GPRC5C: variants seen among roughly 807,000 people sequenced by gnomAD.
GPRC5C encodes G protein-coupled receptor family C group 5 member C.
In GPRC5C, 22 loss-of-function variants were observed where a neutral mutation model predicts 31.4. That is an observed-to-expected ratio of 0.70 (90% CI 0.50 to 1.00). GPRC5C has a LOEUF of 1.00. GPRC5C is among the 50% of genes least tolerant of loss of function. The pLI, the probability that GPRC5C is intolerant of heterozygous loss-of-function variation, is 0.00. For missense variants in GPRC5C, 557 were observed against 597.2 expected (o/e 0.93, Z 0.70); for synonymous variants, 249 against 257.5 (o/e 0.97, Z 0.32).
intron 2 of GPRC5C, among the ~76,000 whole-genome samples, chr17:74,441,844 A>G (rs1285901814): frequency 1.3e-5 from 2 of 152,032 alleles, no homozygotes; most frequent in African/African-American, 4.8e-5. Flanking sequence ...CCGGCCCATG[A>G]AAAGCACTCT....
Position 74,447,362 on chromosome 17 carries a change from C to T in GPRC5C, c.*334C>T. On this transcript the variant is annotated 3_prime_UTR_variant, in exon 4 of 4. Transcript: ENST00000392627. ...GCAACCTCAAGAGACTTCCCAGGCG[C>T]TCAGGCCTGGATCTTGCTCCTCTGT... 2 of 1,071,520 alleles carry T rather than the reference C, an allele frequency of 1.9e-6. No individual in the cohort carries two copies. The highest frequency in any genetic ancestry group is 2.3e-6 in the Non-Finnish European group (2 of 883,378). The allele number at this position is 1,071,520 out of a possible 1,614,324, so 66.4% of individuals were successfully genotyped here.
chr17:74,436,498 G>A (rs956149979), intron 1 of GPRC5C, among the ~76,000 whole-genome samples: 2 of 152,096 alleles, frequency 1.3e-5, no homozygotes, highest in Non-Finnish European at 2.9e-5. Flanking sequence ...ATTCCGTTGT[G>A]TGGCCCTTAA....
At chr17:74,432,903 C>A (rs771786048) in intron 1 of GPRC5C, among the ~76,000 whole-genome samples, 18 of 151,908 alleles carry the variant, frequency 1.2e-4, no homozygotes, top group Non-Finnish European at 2.2e-4. Context: ...GTGACTGGTT[C>A]CCTTGCTCCC....
At chr17:74,438,657 C>CCTCT (rs1218212728) in intron 1 of GPRC5C, among the ~76,000 whole-genome samples, 3 of 152,150 alleles carry the variant, frequency 2.0e-5, no homozygotes, top group African/African-American at 7.2e-5. Flanking sequence ...CCTTGACCTC[C>CCTCT]CAAAGTGCTG....
chr17:74,448,995 CTT>C, downstream of GPRC5C: 1 of 927,788 alleles, frequency 1.1e-6, no homozygotes, highest in South Asian at 1.4e-5. Flanking sequence ...TGGCTCAAGA[CTT>C]TGCCAGGGGG....
downstream of GPRC5C, chr17:74,449,748 G>A (rs76840885): frequency 0.026 from 5,158 of 195,858 alleles, 119 homozygotes; most frequent in Non-Finnish European, 0.039. Context: ...TCAGTGCCCC[G>A]TCTTGACTCT....
chr17:74,432,481 GCC>G, intron 1 of GPRC5C: 1 of 1,048,326 alleles, frequency 9.5e-7, no homozygotes, highest in Non-Finnish European at 1.1e-6. Flanking sequence ...GCTGGAGTTG[GCC>G]CCAAACGCTG....
intron 1 of GPRC5C, among the ~76,000 whole-genome samples, chr17:74,434,969 C>T (rs1205119589): frequency 6.6e-6 from 1 of 151,984 alleles, no homozygotes; most frequent in Non-Finnish European, 1.5e-5. Context: ...CCTGTAATCC[C>T]AGCACTTTGG....
chr17:74,451,140 C>A (rs1047397081), downstream of GPRC5C: 1 of 152,214 alleles, frequency 6.6e-6, no homozygotes, highest in Non-Finnish European at 1.5e-5. Context: ...CTCTGTGGAC[C>A]TCACGCTGCC....
In GPRC5C at chr17:74,440,302, A is replaced by G; in HGVS notation, c.526A>G (p.Ile176Val). The change falls in exon 2 of 4, where the codon ATC becomes GTC. Residue 176 changes from isoleucine to valine, a missense_variant. Transcript: ENST00000392627. This position sits in a 1 kb window ranked among gnomAD's most constrained non-coding sequence, Gnocchi z 4.4. ...VEVIINTEWL[I>V]ITLVRGSGEG... Reference sequence around the variant, plus strand: ...GGTCATCATCAATACAGAGTGGCTGATCATCACCCTGGTTCGGGGCAGTGG... The same window carrying G: ...GGTCATCATCAATACAGAGTGGCTGGTCATCACCCTGGTTCGGGGCAGTGG... The G allele has an allele frequency of 6.2e-7, 1 of 1,614,096 alleles. No individual in the cohort carries two copies. The highest frequency in any genetic ancestry group is 8.5e-7 in the Non-Finnish European group (1 of 1,180,004).
intron 2 of GPRC5C, chr17:74,443,486 T>C (rs1302184771): frequency 6.4e-6 from 3 of 466,652 alleles, no homozygotes; most frequent in South Asian, 1.7e-5. Flanking sequence ...TCTTGGCCTC[T>C]GGCCCCGGAG....
chr17:74,451,234 C>A (rs2055710342), downstream of GPRC5C: 1 of 152,168 alleles, frequency 6.6e-6, no homozygotes, highest in Non-Finnish European at 1.5e-5. Context: ...CAAAGGAGTC[C>A]CCGGCAGGGC....
chr17:74,444,847 G>A (rs375270484), intron 3 of GPRC5C, among the ~76,000 whole-genome samples: 4 of 152,206 alleles, frequency 2.6e-5, no homozygotes, highest in African/African-American at 9.7e-5. Flanking sequence ...CGCGTTTGGA[G>A]TCTGCTTCCT....
At chr17:74,441,788 C>T (rs953152643) in intron 2 of GPRC5C, among the ~76,000 whole-genome samples, 17 of 151,572 alleles carry the variant, frequency 1.1e-4, no homozygotes, top group African/African-American at 3.6e-4. Flanking sequence ...TGCACCACCA[C>T]ATTCCAGCCT....
intron 1 of GPRC5C, among the ~76,000 whole-genome samples, chr17:74,438,244 TATATATA>T: frequency 4.2e-5 from 5 of 118,630 alleles, no homozygotes; most frequent in Admixed American, 1.6e-4. Flanking sequence ...TATATATATA[TATATATA>T]TTTGTTGTTG....
At chr17:74,432,956 G>A (rs2055377201) in intron 1 of GPRC5C, among the ~76,000 whole-genome samples, 2 of 151,896 alleles carry the variant, frequency 1.3e-5, no homozygotes, top group African/African-American at 2.4e-5. Context: ...CCCCAGTACC[G>A]TCGACCCAAG....
chr17:74,445,275 A>C (rs1490443427), intron 3 of GPRC5C: 3 of 152,468 alleles, frequency 2.0e-5, no homozygotes, highest in African/African-American at 7.2e-5. Flanking sequence ...AAGAAAAAAA[A>C]AAAAAAGTGC....
At position 74,440,335 on chromosome 17, in the gene GPRC5C, G is replaced by A. The variant is rs140282971; in HGVS notation, c.559G>A (p.Gly187Ser). 1.2e-5 allele frequency: 20 copies of A among 1,614,136 alleles called. No homozygotes were observed. The highest frequency in any genetic ancestry group is 4.5e-5 in the East Asian group (2 of 44,870). Residue 187 changes from glycine to serine, a missense_variant, in exon 2 of 4, where the codon GGC (glycine) becomes AGC (serine). Transcript: ENST00000392627. This position sits in a 1 kb window ranked among gnomAD's most constrained non-coding sequence, Gnocchi z 4.4. ...CCTGGTTCGGGGCAGTGGCGAGGGC[G>A]GCCCTCAGGGCAACAGCAGCGCAGG... ...ITLVRGSGEG[G>S]PQGNSSAGWA...
In GPRC5C at chr17:74,447,325, C is replaced by T; in HGVS notation, c.*297C>T. The T allele has an allele frequency of 9.7e-6, 11 of 1,134,064 alleles. No homozygotes were observed. Among genetic ancestry groups the T allele is most frequent in the Non-Finnish European group, 1.2e-5 (11 of 922,986 alleles). The allele number at this position is 1,134,064 out of a possible 1,614,324, so 70.3% of individuals were successfully genotyped here. ...GTGGCTGGGCAGCGCCTATGTTTCT[C>T]TGGAGATTCCTGCAACCTCAAGAGA... On this transcript the variant is annotated 3_prime_UTR_variant, in exon 4 of 4. Transcript: ENST00000392627.
Sources: allele counts gnomAD v4.1 joint callset (sites outside exome capture counted in the v4.1 genomes callset), GRCh38; gene constraint gnomAD v4.1.1; non-coding constraint Gnocchi (gnomAD v3.1); transcripts MANE v1.5; gene names NCBI Gene and HGNC (gene_info 2026-07-23, HGNC 2026-07-21).